LAMC1: variants seen among roughly 807,000 people sequenced by gnomAD.
The protein encoded by LAMC1 is laminin subunit gamma 1.
LAMC1 carries 38 observed loss-of-function variants against 173.6 expected under a neutral mutation model. The observed-to-expected ratio is 0.22, with a 90% confidence interval of 0.17 to 0.29. The LOEUF (loss-of-function observed/expected upper bound fraction) is 0.29, where lower values mean the gene tolerates loss of function less well. LAMC1 is among the 10% of genes least tolerant of loss of function. The pLI, the probability that LAMC1 is intolerant of heterozygous loss-of-function variation, is 1.00. For missense variants in LAMC1, 1,824 were observed against 2,051.8 expected (o/e 0.89, Z 2.14); for synonymous variants, 746 against 749.1 (o/e 1.00, Z 0.07).
intron 8 of LAMC1, 82 bp downstream of exon 8, chr1:183,116,985 T>C (rs1020159413): frequency 1.5e-6 from 2 of 1,374,136 alleles, no homozygotes; most frequent in African/African-American, 1.5e-5. Flanking sequence ...CAGTGACTCT[T>C]TGAGGGCTTT....
chr1:183,077,788 A>ATATATATATATATATATATATATATG (rs1655157363), intron 1 of LAMC1, among the ~76,000 whole-genome samples: 1 of 142,298 alleles, frequency 7.0e-6, no homozygotes, highest in Non-Finnish European at 1.5e-5. Flanking sequence ...ATATATATAT[A>ATATATATATATATATATATATATATG]TATATATACA....
rs1200397053 is a variant in LAMC1, at chr1:183,122,250, T to C, written c.2400T>C (p.Thr800=). 1.2e-6 allele frequency: 2 copies of C among 1,613,840 alleles called. No homozygotes were observed. Among genetic ancestry groups the C allele is most frequent in the South Asian group, 1.1e-5 (1 of 91,032 alleles). ...VVCTNCPTGT[T]GKRCELCDDG... ...GCACCAACTGTCCTACTGGCACCAC[T>C]GGTAAGTCTGCTCGCTTCATCTGCT... The change falls in exon 13 of 28, where the codon ACT becomes ACC. Residue 800 remains threonine, a splice_region_variant and synonymous_variant. Coordinates refer to ENST00000258341, the MANE Select transcript of LAMC1 (RefSeq NM_002293.4).
intron 1 of LAMC1, among the ~76,000 whole-genome samples, chr1:183,045,465 A>G (rs573794183): frequency 6.6e-6 from 1 of 152,126 alleles, no homozygotes; most frequent in South Asian, 2.1e-4. Context: ...ATATGTGGTA[A>G]TTGGCAACTT....
At chr1:183,034,436 C>G (rs959747216) in intron 1 of LAMC1, among the ~76,000 whole-genome samples, 6 of 152,104 alleles carry the variant, frequency 3.9e-5, no homozygotes, top group African/African-American at 1.4e-4. Context: ...CCATGCCCAG[C>G]TAATTTTTGT....
intron 1 of LAMC1, among the ~76,000 whole-genome samples, chr1:183,036,814 C>T (rs1230091081): frequency 2.7e-5 from 4 of 149,280 alleles, no homozygotes; most frequent in South Asian, 4.2e-4. Context: ...TCACTCTTGT[C>T]GCCCAGGCTG....
intron 1 of LAMC1, among the ~76,000 whole-genome samples, chr1:183,035,361 T>C (rs1395780931): frequency 1.3e-5 from 2 of 152,066 alleles, no homozygotes; most frequent in African/African-American, 4.8e-5. Context: ...GCTAATTTAA[T>C]TTTTTTGTAG....
intron 1 of LAMC1, among the ~76,000 whole-genome samples, chr1:183,094,700 A>G (rs1655649637): frequency 6.6e-6 from 1 of 152,236 alleles, no homozygotes; most frequent in African/African-American, 2.4e-5. Context: ...TATGTAAGAT[A>G]TCTTATGGTA....
At chr1:183,061,883 A>G (rs1654753016) in intron 1 of LAMC1, among the ~76,000 whole-genome samples, 1 of 152,262 alleles carries the variant, frequency 6.6e-6, no homozygotes, top group African/African-American at 2.4e-5. Context: ...AATATTAATA[A>G]TCTAGTAAGG....
At chr1:183,068,560 T>C (rs6424883) in intron 1 of LAMC1, among the ~76,000 whole-genome samples, 51,488 of 152,082 alleles carry the variant, frequency 0.34, 9,776 homozygotes, top group East Asian at 0.49. Context: ...ATGAAGTAGA[T>C]ATCAAATTAT....
At chr1:183,090,341 G>C (rs1293235103) in intron 1 of LAMC1, among the ~76,000 whole-genome samples, 2 of 152,116 alleles carry the variant, frequency 1.3e-5, no homozygotes. Flanking sequence ...ATTTAATCAG[G>C]AACACAAGTT....
At chr1:183,038,178 C>T (rs945206377) in intron 1 of LAMC1, among the ~76,000 whole-genome samples, 2 of 151,836 alleles carry the variant, frequency 1.3e-5, no homozygotes, top group Non-Finnish European at 2.9e-5. Context: ...TGGGACTACA[C>T]GCGTGGGCCA....
intron 27 of LAMC1, among the ~76,000 whole-genome samples, chr1:183,141,915 C>G (rs542942124): frequency 6.6e-6 from 1 of 152,326 alleles, no homozygotes; most frequent in African/African-American, 2.4e-5. Context: ...TCTATTGTGT[C>G]TGCTTTTGTT....
intron 3 of LAMC1, among the ~76,000 whole-genome samples, chr1:183,109,825 A>C (rs1050806062): frequency 1.3e-5 from 2 of 152,228 alleles, no homozygotes; most frequent in African/African-American, 4.8e-5. Context: ...TTGTTATCAT[A>C]CTTGCATCTA....
In LAMC1 at chr1:183,131,303, T is replaced by G; in HGVS notation, c.3491T>G (p.Val1164Gly). 1 of 1,612,582 alleles carries G rather than the reference T, an allele frequency of 6.2e-7. No individual in the cohort carries two copies. The highest frequency in any genetic ancestry group is 1.1e-5 in the South Asian group (1 of 91,054). ...AGTGCTTTATTTCCTGTGCAGTCAG[T>G]CACTCAGCCAGAATCTACAGGGGAC... ...KAKVAAANVSVTQPESTGDPN... is the reference protein window; with the variant it reads ...KAKVAAANVSGTQPESTGDPN... The change falls in exon 20 of 28, where the codon GTC (valine) becomes GGC (glycine). Residue 1164 changes from valine (V) to glycine (G), a missense_variant. Val to Gly is a moderately radical substitution (Grantham distance 109). Coordinates refer to ENST00000258341, the MANE Select transcript of LAMC1 (RefSeq NM_002293.4).
chr1:183,121,859 A>C lies in LAMC1; in HGVS notation c.2127A>C (p.Arg709Ser), dbSNP rs772849251. Residue 709 changes from arginine (R) to serine (S), a missense_variant, in exon 12 of 28, where the codon AGA (arginine) becomes AGC (serine). Coordinates refer to ENST00000258341, the MANE Select transcript of LAMC1 (RefSeq NM_002293.4). ...QFCEMCLSGY[R>S]RETPNLGPYS... Reference sequence around the variant, plus strand: ...GTGAGATGTGCCTCTCAGGTTACAGAAGAGAAACTCCTAATCTTGGACCAT... The same window carrying C: ...GTGAGATGTGCCTCTCAGGTTACAGCAGAGAAACTCCTAATCTTGGACCAT... 13 of 1,614,054 alleles carry C rather than the reference A, an allele frequency of 8.1e-6. No individual in the cohort carries two copies. The highest frequency in any genetic ancestry group is 6.7e-5 in the Admixed American group (4 of 60,002).
At chr1:183,085,711 A>G (rs1259294766) in intron 1 of LAMC1, among the ~76,000 whole-genome samples, 1 of 152,116 alleles carries the variant, frequency 6.6e-6, no homozygotes, top group Non-Finnish European at 1.5e-5. Context: ...TTGTCCTTAT[A>G]GGCTCCGTTA....
chr1:183,128,148 AAG>A (rs1381057376), intron 17 of LAMC1, among the ~76,000 whole-genome samples: 1 of 152,190 alleles, frequency 6.6e-6, no homozygotes, highest in Non-Finnish European at 1.5e-5. Flanking sequence ...GAATAGAGGT[AAG>A]AGGTATAATT....
intron 1 of LAMC1, among the ~76,000 whole-genome samples, chr1:183,077,643 G>GCT (rs1655149209): frequency 4.6e-5 from 7 of 151,924 alleles, no homozygotes; most frequent in Non-Finnish European, 1.0e-4. Flanking sequence ...ATATCAGTGA[G>GCT]AACATAGGAT....
intron 1 of LAMC1, among the ~76,000 whole-genome samples, chr1:183,026,472 TA>T (rs1653690357): frequency 6.6e-6 from 1 of 152,068 alleles, no homozygotes; most frequent in Non-Finnish European, 1.5e-5. Flanking sequence ...TTATGACAAG[TA>T]GGCAAGGTGT....
Sources: allele counts gnomAD v4.1 joint callset (sites outside exome capture counted in the v4.1 genomes callset), GRCh38; gene constraint gnomAD v4.1.1; transcripts MANE v1.5; gene names NCBI Gene and HGNC (gene_info 2026-07-23, HGNC 2026-07-21).